Variants in MYO18A observed in about 807,000 individuals in gnomAD.
MYO18A encodes the protein unconventional myosin-XVIIIa.
In MYO18A, 78 loss-of-function variants were observed where a neutral mutation model predicts 235.8. The ratio of observed to expected loss-of-function variants is 0.33; its 90% confidence interval spans 0.28 to 0.40. The LOEUF (loss-of-function observed/expected upper bound fraction) is 0.40, where lower values mean the gene tolerates loss of function less well. MYO18A is among the 10% of genes least tolerant of loss of function. The pLI, the probability that MYO18A is intolerant of heterozygous loss-of-function variation, is 1.00. For synonymous variants in MYO18A, 977 were observed against 1,077.8 expected (o/e 0.91, Z 1.83); for missense variants, 2,215 against 2,699.3 (o/e 0.82, Z 3.98).
chr17:29,164,097 T>G (rs2068230643), intron 2 of MYO18A, among the ~76,000 whole-genome samples: 1 of 152,074 alleles, frequency 6.6e-6, no homozygotes, highest in African/African-American at 2.4e-5. Context: ...TTCCTGTTGG[T>G]CAGGCTGGTC....
In MYO18A at chr17:29,118,573, T is replaced by C; in HGVS notation, c.1830-133A>G. On this transcript the variant is annotated intron_variant, in intron 8 of 41. Transcript: ENST00000527372. This position sits in a 1 kb window ranked among gnomAD's most constrained non-coding sequence, Gnocchi z 4.2. ...TGCCCATCATCCCATCATCCCCAACTGGCGGGCCAGCTGTCACTGCTTTCC... is the reference window on the plus strand; with the variant it reads ...TGCCCATCATCCCATCATCCCCAACCGGCGGGCCAGCTGTCACTGCTTTCC... The C allele has an allele frequency of 1.3e-6, 1 of 773,706 alleles. No individual in the cohort carries two copies. Among genetic ancestry groups the C allele is most frequent in the Admixed American group, 2.3e-5 (1 of 42,772 alleles). The allele number at this position is 773,706 out of a possible 1,614,324, so 47.9% of individuals were successfully genotyped here.
chr17:29,116,920 G>A (rs927679201), intron 10 of MYO18A, among the ~76,000 whole-genome samples: 7 of 151,858 alleles, frequency 4.6e-5, no homozygotes, highest in African/African-American at 4.8e-5. Context: ...ACGCCTGCCC[G>A]CCTGTCTGTC....
intron 2 of MYO18A, chr17:29,128,252 C>T (rs500036): frequency 3.4e-6 from 4 of 1,167,728 alleles, no homozygotes; most frequent in South Asian, 3.2e-5. Context: ...CCTCTTGCTT[C>T]GAGTCGGGTG....
chr17:29,155,045 C>T (rs552896491), intron 2 of MYO18A, among the ~76,000 whole-genome samples: 26 of 152,298 alleles, frequency 1.7e-4, no homozygotes, highest in East Asian at 3.9e-4. Context: ...CTGGGTGTCA[C>T]GGAGAGTCAT....
In MYO18A at chr17:29,150,498, G is replaced by A. The variant is rs74961706; in HGVS notation, c.999+15444C>T. 4.9e-4 allele frequency among the ~76,000 whole-genome samples: 75 copies of A among 152,368 alleles called. 1 individual carries two copies. In the East Asian group the frequency reaches 0.014, roughly 28 times the overall value. On this transcript the variant is annotated intron_variant, in intron 2 of 41. Transcript: ENST00000527372. ...TGGTTGAGGTGTAGAAATTGCCAGAGAGGACAGCTCTTCCTTCTTGAGAGG... is the reference window on the plus strand; with the variant it reads ...TGGTTGAGGTGTAGAAATTGCCAGAAAGGACAGCTCTTCCTTCTTGAGAGG...
At chr17:29,164,110 G>A (rs149719165) in intron 2 of MYO18A, among the ~76,000 whole-genome samples, 180 of 152,148 alleles carry the variant, frequency 1.2e-3, no homozygotes, top group African/African-American at 3.8e-3. Flanking sequence ...GGCTGGTCTC[G>A]AACTCCCAAC....
chr17:29,161,801 A>G (rs1445540741), intron 2 of MYO18A, among the ~76,000 whole-genome samples: 2 of 152,184 alleles, frequency 1.3e-5, no homozygotes, highest in East Asian at 3.9e-4. Context: ...TGACTTTCCC[A>G]TCCGGACTTA....
chr17:29,163,520 G>C (rs1443855004), intron 2 of MYO18A, among the ~76,000 whole-genome samples: 4 of 152,186 alleles, frequency 2.6e-5, no homozygotes, highest in Non-Finnish European at 5.9e-5. Flanking sequence ...AAGTCCTCTG[G>C]GCACCAGCTG....
At chr17:29,103,049 G>A (rs1256151757) in intron 21 of MYO18A, among the ~76,000 whole-genome samples, 2 of 152,252 alleles carry the variant, frequency 1.3e-5, no homozygotes. Flanking sequence ...GAGGAGTGAC[G>A]TGGCAGACTG....
At chr17:29,116,239 T>G (rs980364252) in intron 11 of MYO18A, among the ~76,000 whole-genome samples, 1 of 152,154 alleles carries the variant, frequency 6.6e-6, no homozygotes, top group Non-Finnish European at 1.5e-5. Context: ...CGCTCATGCC[T>G]CCACATTCCC....
At position 29,092,361 on chromosome 17, in the gene MYO18A, G is replaced by A. The variant is rs765957174; in HGVS notation, c.5169C>T (p.Ile1723=). The change falls in exon 34 of 42, where the codon ATC becomes ATT. Residue 1723 remains isoleucine, a synonymous_variant. Transcript: ENST00000527372. ...IEDLHLQIDD[I]AKAKTALEEQ... is the part of the protein sequence containing the mutation. ...CCCTCACCGCTGTCTTGGCTTTGGC[G>A]ATGTCATCAATCTGCAGGTGCAGGT... is the stretch of plus-strand genomic sequence containing the variant. 3.0e-5 allele frequency: 49 copies of A among 1,610,834 alleles called. No individual in the cohort carries two copies. Among genetic ancestry groups the A allele is most frequent in the Non-Finnish European group, 3.8e-5 (45 of 1,179,756 alleles).
chr17:29,108,885 A>G (rs2066859468), intron 19 of MYO18A, among the ~76,000 whole-genome samples: 1 of 152,154 alleles, frequency 6.6e-6, no homozygotes, highest in South Asian at 2.1e-4. Flanking sequence ...TGCTTGTTTG[A>G]GTAACGCACA....
At chr17:29,097,141 CCA>C in intron 27 of MYO18A, 80 bp downstream of exon 27, 1 of 1,564,450 alleles carries the variant, frequency 6.4e-7, no homozygotes, top group South Asian at 1.1e-5. Flanking sequence ...CTGCCTGCCC[CCA>C]GAGTTCACTG....
chr17:29,124,708 G>A, intron 2 of MYO18A: 1 of 1,265,818 alleles, frequency 7.9e-7, no homozygotes, highest in East Asian at 5.8e-5. Flanking sequence ...GCAAGCAAAG[G>A]AGAGAGAGAG....
At chr17:29,163,243 A>G (rs2068211566) in intron 2 of MYO18A, among the ~76,000 whole-genome samples, 1 of 152,184 alleles carries the variant, frequency 6.6e-6, no homozygotes, top group South Asian at 2.1e-4. Flanking sequence ...TAAAAGGAAG[A>G]GGAGGAGATA....
chr17:29,163,975 C>T (rs578082096), intron 2 of MYO18A, among the ~76,000 whole-genome samples: 5 of 152,322 alleles, frequency 3.3e-5, no homozygotes, highest in Non-Finnish European at 4.4e-5. Context: ...CTGCAACTTC[C>T]GCCTCCCGGG....
Position 29,114,055 on chromosome 17 carries a change from C to T in MYO18A, c.2554G>A (p.Asp852Asn). ...LAFDDLEPPT[D>N]DSVAAVDQAS... ...TGGTCCACAGCAGCCACAGAGTCAT[C>T]CGTCGGGGGTTCCAAGTCGTCAAAC... is the stretch of plus-strand genomic sequence containing the variant. The change falls in exon 15 of 42, where the codon GAT (aspartate) becomes AAT (asparagine). Residue 852 changes from aspartate (D) to asparagine (N), a missense_variant. Asp to Asn is a conservative substitution (Grantham distance 23, BLOSUM62 1). Transcript: ENST00000527372. The T allele has an allele frequency of 6.2e-7, 1 of 1,604,264 alleles. No homozygotes were observed. Among genetic ancestry groups the T allele is most frequent in the South Asian group, 1.1e-5 (1 of 88,920 alleles).
intron 37 of MYO18A, among the ~76,000 whole-genome samples, chr17:29,089,494 GA>G (rs373430091): frequency 3.2e-4 from 44 of 136,370 alleles, no homozygotes; most frequent in East Asian, 8.4e-4. Context: ...AAGGGAGAGA[GA>G]AAAAAAAAAG....
chr17:29,108,008 T>C (rs2066834647), intron 19 of MYO18A, among the ~76,000 whole-genome samples: 1 of 151,664 alleles, frequency 6.6e-6, no homozygotes, highest in Non-Finnish European at 1.5e-5. Context: ...CTTAGGATCA[T>C]GTGACCTTGG....
Sources: gnomAD v4.1 joint callset for allele counts (sites outside exome capture counted in the v4.1 genomes callset) on GRCh38, gnomAD v4.1.1 for gene constraint, Gnocchi (gnomAD v3.1) non-coding constraint, MANE v1.5 for transcripts, NCBI Gene and HGNC (gene_info 2026-07-23, HGNC 2026-07-21) for gene names.